The following SLCO3A1 variants were observed in gnomAD, a reference collection of about 807,000 sequenced individuals.
SLCO3A1 encodes the protein PGE1 transporter.
A neutral mutation model predicts 63.1 loss-of-function variants in SLCO3A1; 27 were observed. That is an observed-to-expected ratio of 0.43 (90% CI 0.32 to 0.59). SLCO3A1 has a LOEUF of 0.59. Ranked by LOEUF, SLCO3A1 falls within the 20% of genes least tolerant of loss-of-function variation. The pLI, the probability that SLCO3A1 is intolerant of heterozygous loss-of-function variation, is 0.09. For synonymous variants in SLCO3A1, 473 were observed against 409.9 expected (o/e 1.15, Z -1.86); for missense variants, 773 against 945.8 (o/e 0.82, Z 2.40).
At chr15:92,158,945 A>C (rs924292037) in intron 9 of SLCO3A1, among the ~76,000 whole-genome samples, 1 of 152,234 alleles carries the variant, frequency 6.6e-6, no homozygotes, top group Admixed American at 6.5e-5. Flanking sequence ...GTTATACTTA[A>C]GGTACTCAAC....
chr15:92,079,946 AC>A (rs1233682396), intron 2 of SLCO3A1, among the ~76,000 whole-genome samples: 1 of 152,244 alleles, frequency 6.6e-6, no homozygotes, highest in East Asian at 1.9e-4. Context: ...CTGGGCTCAC[AC>A]ACAGAATGCG....
rs1899664101 is a variant in SLCO3A1 at position 91,942,679 on chromosome 15, G to A, written c.646+26221G>A. ...GCTCACTGCAACCTCCACCTCCTGG[G>A]TGAAGGTAATTCCCAAGAAGCTGGA... On this transcript the variant is annotated intron_variant, in intron 2 of 9. Transcript: ENST00000318445. This position sits in a 1 kb window ranked among gnomAD's most constrained non-coding sequence, Gnocchi z 4.1. Among the ~76,000 whole-genome samples, 1 of 152,200 alleles carries A rather than the reference G, an allele frequency of 6.6e-6. No homozygotes were observed. Among genetic ancestry groups the A allele is most frequent in the Admixed American group, 6.5e-5 (1 of 15,278 alleles).
chr15:91,909,018 G>A (rs1898400485), intron 1 of SLCO3A1, among the ~76,000 whole-genome samples: 9 of 152,164 alleles, frequency 5.9e-5, no homozygotes, highest in Admixed American at 1.3e-4. Context: ...CCGAGGTCGC[G>A]CCATTGCACT....
intron 5 of SLCO3A1, among the ~76,000 whole-genome samples, chr15:92,124,626 G>A (rs1457962303): frequency 1.3e-5 from 2 of 152,036 alleles, no homozygotes; most frequent in African/African-American, 4.8e-5. Flanking sequence ...TTGTCCACAG[G>A]AAAGCTGTAT....
chr15:91,878,724 T>G (rs374469275), intron 1 of SLCO3A1, among the ~76,000 whole-genome samples: 2 of 152,200 alleles, frequency 1.3e-5, no homozygotes, highest in East Asian at 3.9e-4. Context: ...TAGATTTTCA[T>G]GCCCAGAAAA....
chr15:91,930,890 A>C (rs1280445284), intron 2 of SLCO3A1, among the ~76,000 whole-genome samples: 1 of 152,200 alleles, frequency 6.6e-6, no homozygotes, highest in Admixed American at 6.5e-5. Context: ...TGGGGATTGG[A>C]GTCAAGGGGG....
chr15:91,918,554 G>T (rs1403449292), intron 2 of SLCO3A1, among the ~76,000 whole-genome samples: 1 of 152,170 alleles, frequency 6.6e-6, no homozygotes, highest in Non-Finnish European at 1.5e-5. Context: ...GGCCTCAATA[G>T]GGGGCCTTTT....
At chr15:91,961,419 T>C (rs1900440763) in intron 2 of SLCO3A1, among the ~76,000 whole-genome samples, 1 of 152,196 alleles carries the variant, frequency 6.6e-6, no homozygotes, top group African/African-American at 2.4e-5. Flanking sequence ...GAGGGAAGAA[T>C]GGTGGGGCAG....
intron 3 of SLCO3A1, among the ~76,000 whole-genome samples, chr15:92,103,683 T>C (rs1458549206): frequency 6.6e-6 from 1 of 151,892 alleles, no homozygotes; most frequent in African/African-American, 2.4e-5. Context: ...ATCCTAGATG[T>C]TATACAGATC....
At position 91,967,629 on chromosome 15, in the gene SLCO3A1, C is replaced by T. The variant is rs763823228; in HGVS notation, c.646+51171C>T. ...TAATCCCATATGAAATAAATTAAAC[C>T]CGTTTTACAGATGGATTAATTGTTT... On this transcript the variant is annotated intron_variant, in intron 2 of 9. Transcript: ENST00000318445. The surrounding 1 kb of genome is among the most constrained non-coding windows in gnomAD (Gnocchi z 4.4). 6.6e-6 allele frequency among the ~76,000 whole-genome samples: 1 copy of T among 152,168 alleles called. No homozygotes were observed. The highest frequency in any genetic ancestry group is 1.5e-5 in the Non-Finnish European group (1 of 68,026).
chr15:92,167,530 T>A (rs2048499927), downstream of SLCO3A1, among the ~76,000 whole-genome samples: 1 of 152,194 alleles, frequency 6.6e-6, no homozygotes, highest in South Asian at 2.1e-4. Flanking sequence ...AAACTGCTAC[T>A]CTCACAACAG....
At chr15:92,062,837 C>A (rs191982075) in intron 2 of SLCO3A1, among the ~76,000 whole-genome samples, 1 of 152,200 alleles carries the variant, frequency 6.6e-6, no homozygotes, top group African/African-American at 2.4e-5. Context: ...AGTGTCCAAC[C>A]TTTCTCCCAC....
intron 2 of SLCO3A1, among the ~76,000 whole-genome samples, chr15:92,057,557 T>C (rs907790067): frequency 3.3e-5 from 5 of 152,238 alleles, no homozygotes; most frequent in African/African-American, 1.2e-4. Flanking sequence ...CCAGTCCATC[T>C]GTGAGGACAC....
chr15:92,056,657 A>G (rs994625375), intron 2 of SLCO3A1, among the ~76,000 whole-genome samples: 2 of 152,154 alleles, frequency 1.3e-5, no homozygotes, highest in African/African-American at 2.4e-5. Flanking sequence ...ACAATTTGCA[A>G]TTGTTCTAAT....
At chr15:91,939,342 C>G (rs1028425327) in intron 2 of SLCO3A1, among the ~76,000 whole-genome samples, 3 of 152,288 alleles carry the variant, frequency 2.0e-5, no homozygotes. Flanking sequence ...GAAATCCACT[C>G]CCATAATCCA....
At position 91,941,664 on chromosome 15, in the gene SLCO3A1, T is replaced by G. The variant is rs2151400613; in HGVS notation, c.646+25206T>G. On this transcript the variant is annotated intron_variant, in intron 2 of 9. Transcript: ENST00000318445. The surrounding 1 kb of genome is among the most constrained non-coding windows in gnomAD (Gnocchi z 4.4). Reference sequence around the variant, plus strand: ...TTGTACTTTTTCTTACTCGGGATGTTTGTTTCTCTTTGTCTTTAAAAAAAT... The same window carrying G: ...TTGTACTTTTTCTTACTCGGGATGTGTGTTTCTCTTTGTCTTTAAAAAAAT... The G allele has an allele frequency of 5.1e-6, 2 of 395,400 alleles. No homozygotes were observed. Among genetic ancestry groups the G allele is most frequent in the African/African-American group, 4.2e-5 (2 of 47,068 alleles). 24.5% of individuals were successfully genotyped at this position (395,400 alleles called of 1,614,324 possible). A position where few individuals can be genotyped will look rare whatever the true frequency, so the allele number is the denominator to read the frequency against.
intron 2 of SLCO3A1, among the ~76,000 whole-genome samples, chr15:92,079,143 G>A (rs1339306052): frequency 2.6e-5 from 4 of 152,192 alleles, no homozygotes; most frequent in Non-Finnish European, 5.9e-5. Flanking sequence ...GCCCATGAAG[G>A]TGCTGATTTT....
At chr15:91,989,899 C>T (rs28491090) in intron 2 of SLCO3A1, among the ~76,000 whole-genome samples, 3 of 152,050 alleles carry the variant, frequency 2.0e-5, no homozygotes, top group Admixed American at 6.5e-5. Context: ...AAATATTTGC[C>T]AAGAGAGTAG....
intron 2 of SLCO3A1, among the ~76,000 whole-genome samples, chr15:92,076,429 T>C (rs1383757837): frequency 6.6e-6 from 1 of 152,214 alleles, no homozygotes; most frequent in Admixed American, 6.5e-5. Flanking sequence ...GACGTAGTTT[T>C]GATGTTAGGA....
Sources: gnomAD v4.1 joint callset for allele counts (sites outside exome capture counted in the v4.1 genomes callset) on GRCh38, gnomAD v4.1.1 for gene constraint, Gnocchi (gnomAD v3.1) non-coding constraint, MANE v1.5 for transcripts, NCBI Gene and HGNC (gene_info 2026-07-23, HGNC 2026-07-21) for gene names.